CACNB2: variants seen among roughly 807,000 people sequenced by gnomAD.
The protein encoded by CACNB2 is voltage-dependent L-type calcium channel subunit beta-2.
In CACNB2, 42 loss-of-function variants were observed where a neutral mutation model predicts 73.3. That is an observed-to-expected ratio of 0.57 (90% CI 0.45 to 0.74). The LOEUF (loss-of-function observed/expected upper bound fraction) is 0.74. CACNB2 is among the 30% of genes least tolerant of loss of function. The probability of loss-of-function intolerance (pLI) is 0.00; values close to 1 mark genes in which losing one functional copy is unlikely to be tolerated. For missense variants in CACNB2, 940 were observed against 853.0 expected (o/e 1.10, Z -1.27); for synonymous variants, 348 against 310.3 (o/e 1.12, Z -1.28).
intron 2 of CACNB2, among the ~76,000 whole-genome samples, chr10:18,283,542 CCAT>C (rs1324896038): frequency 6.6e-6 from 1 of 151,986 alleles, no homozygotes; most frequent in East Asian, 1.9e-4. Flanking sequence ...AAGCTGGAAA[CCAT>C]CATTCTGAGC....
chr10:18,163,447 C>A (rs2131104407), intron 2 of CACNB2, among the ~76,000 whole-genome samples: 1 of 152,118 alleles, frequency 6.6e-6, no homozygotes, highest in South Asian at 2.1e-4. Context: ...GATTCTAGAC[C>A]CTTAGTGCAA....
At chr10:18,318,312 A>G (rs2040270886) in intron 2 of CACNB2, among the ~76,000 whole-genome samples, 1 of 152,194 alleles carries the variant, frequency 6.6e-6, no homozygotes, top group Non-Finnish European at 1.5e-5. Flanking sequence ...GACCTCAGAA[A>G]TAACGCTGCA....
intron 2 of CACNB2, among the ~76,000 whole-genome samples, chr10:18,248,226 G>T (rs1446623240): frequency 6.6e-6 from 1 of 152,174 alleles, no homozygotes; most frequent in African/African-American, 2.4e-5. Flanking sequence ...CAAATGAACT[G>T]TTCTTTATGA....
At chr10:18,470,088 T>C (rs577228054) in intron 3 of CACNB2, among the ~76,000 whole-genome samples, 3 of 152,048 alleles carry the variant, frequency 2.0e-5, no homozygotes, top group South Asian at 2.1e-4. Context: ...AACTTAGGAA[T>C]TGAATATATA....
At chr10:18,386,044 C>G (rs186117478) in intron 2 of CACNB2, among the ~76,000 whole-genome samples, 236 of 152,180 alleles carry the variant, frequency 1.6e-3, no homozygotes, top group African/African-American at 5.4e-3. Flanking sequence ...TAAATTCTAC[C>G]AAATTTTATC....
At chr10:18,193,338 TC>T (rs2034490928) in intron 2 of CACNB2, among the ~76,000 whole-genome samples, 1 of 152,028 alleles carries the variant, frequency 6.6e-6, no homozygotes. Flanking sequence ...TTCCAATTTC[TC>T]CACATTTTTG....
intron 2 of CACNB2, among the ~76,000 whole-genome samples, chr10:18,214,876 G>T (rs925146439): frequency 1.3e-5 from 2 of 152,136 alleles, no homozygotes; most frequent in African/African-American, 4.8e-5. Context: ...TGTGTGTACT[G>T]GCTGAATGTC....
intron 2 of CACNB2, among the ~76,000 whole-genome samples, chr10:18,305,632 G>A (rs1163739948): frequency 6.6e-6 from 1 of 152,100 alleles, no homozygotes; most frequent in Admixed American, 6.6e-5. Context: ...GCTGGTGTGA[G>A]TTAGTTTTCA....
At chr10:18,389,797 T>G (rs2043386223) in intron 2 of CACNB2, among the ~76,000 whole-genome samples, 1 of 152,188 alleles carries the variant, frequency 6.6e-6, no homozygotes, top group Non-Finnish European at 1.5e-5. Context: ...CATTGTGAAT[T>G]GGGACTTTGC....
chr10:18,153,559 T>TTTAC (rs953345369), intron 2 of CACNB2, among the ~76,000 whole-genome samples: 8 of 138,694 alleles, frequency 5.8e-5, no homozygotes, highest in African/African-American at 1.9e-4. Context: ...CACACTAGAT[T>TTTAC]TTACTTATTT....
At chr10:18,173,199 C>T (rs1468548120) in intron 2 of CACNB2, among the ~76,000 whole-genome samples, 1 of 152,180 alleles carries the variant, frequency 6.6e-6, no homozygotes, top group Non-Finnish European at 1.5e-5. Context: ...GGATTATAGG[C>T]ATGAGCCATT....
At chr10:18,202,420 C>T (rs1051877041) in intron 2 of CACNB2, among the ~76,000 whole-genome samples, 1 of 152,136 alleles carries the variant, frequency 6.6e-6, no homozygotes, top group South Asian at 2.1e-4. Flanking sequence ...AATGAGCCAC[C>T]ATATATTATA....
At chr10:18,431,718 A>G (rs1001166312) in intron 3 of CACNB2, among the ~76,000 whole-genome samples, 5 of 152,200 alleles carry the variant, frequency 3.3e-5, no homozygotes, top group African/African-American at 1.2e-4. Flanking sequence ...ATGGATAAGC[A>G]TGGATAAGCC....
chr10:18,379,144 A>G (rs978434897), intron 2 of CACNB2, among the ~76,000 whole-genome samples: 6 of 152,284 alleles, frequency 3.9e-5, no homozygotes, highest in Middle Eastern at 6.8e-3. Context: ...CTTAAAAATT[A>G]TTTTATTGTG....
At chr10:18,205,766 A>G (rs2035062952) in intron 2 of CACNB2, among the ~76,000 whole-genome samples, 1 of 152,098 alleles carries the variant, frequency 6.6e-6, no homozygotes, top group African/African-American at 2.4e-5. Context: ...GTAGTGTTTC[A>G]ATGTTCCCTG....
intron 2 of CACNB2, among the ~76,000 whole-genome samples, chr10:18,317,091 C>T (rs1012806379): frequency 2.0e-5 from 3 of 152,014 alleles, no homozygotes; most frequent in Non-Finnish European, 2.9e-5. Flanking sequence ...CAGCTGTCTC[C>T]CCATTCCCCA....
intron 2 of CACNB2, among the ~76,000 whole-genome samples, chr10:18,190,629 T>C (rs1249732624): frequency 6.6e-6 from 1 of 152,172 alleles, no homozygotes; most frequent in Non-Finnish European, 1.5e-5. Flanking sequence ...TCCCAGATAT[T>C]GTACTTTGAT....
At chr10:18,398,504 C>CA (rs1322983342) in intron 2 of CACNB2, among the ~76,000 whole-genome samples, 1 of 151,996 alleles carries the variant, frequency 6.6e-6, no homozygotes, top group African/African-American at 2.4e-5. Flanking sequence ...CCCATCTCTA[C>CA]AAAAAATAAT....
chr10:18,427,262 C>T (rs990867621), intron 3 of CACNB2, among the ~76,000 whole-genome samples: 40 of 151,958 alleles, frequency 2.6e-4, no homozygotes, highest in Admixed American at 2.1e-3. Flanking sequence ...TTTCTTATTG[C>T]GGCAAATTTT....
Sources: gnomAD v4.1 joint callset for allele counts (sites outside exome capture counted in the v4.1 genomes callset) on GRCh38, gnomAD v4.1.1 for gene constraint, MANE v1.5 for transcripts, NCBI Gene and HGNC (gene_info 2026-07-23, HGNC 2026-07-21) for gene names.